MICAL3: variants seen among roughly 807,000 people sequenced by gnomAD.
MICAL3 encodes the protein [F-actin]-monooxygenase MICAL3.
A neutral mutation model predicts 207.4 loss-of-function variants in MICAL3; 62 were observed. That is an observed-to-expected ratio of 0.30 (90% CI 0.24 to 0.37). The LOEUF (loss-of-function observed/expected upper bound fraction) is 0.37. Ranked by LOEUF, MICAL3 falls within the 10% of genes least tolerant of loss-of-function variation. The pLI is 1.00. For missense variants in MICAL3, 2,368 were observed against 2,635.6 expected, an observed-to-expected ratio of 0.90 and a Z score of 2.22; for synonymous variants, 1,077 against 1,069.3, an observed-to-expected ratio of 1.01 and a Z score of -0.14.
rs139156974 is a variant in MICAL3 at position 17,861,023 on chromosome 22, A to G, written c.2605+3876T>C. ...AACGTGTACCTATATATAAACATTCACACATCACCGTCAGCTATGGCTCTT... is the reference window on the plus strand; with the variant it reads ...AACGTGTACCTATATATAAACATTCGCACATCACCGTCAGCTATGGCTCTT... On this transcript the variant is annotated intron_variant, in intron 19 of 31. Coordinates refer to ENST00000441493, the MANE Select transcript of MICAL3 (RefSeq NM_015241.3). 6 of 985,364 alleles carry G rather than the reference A, an allele frequency of 6.1e-6. No homozygotes were observed. The African/African-American group carries it at 1.0e-4, about 17-fold the overall frequency. 61.0% of individuals were successfully genotyped at this position (985,364 alleles called of 1,614,324 possible). A position where few individuals can be genotyped will look rare whatever the true frequency, so the allele number is the denominator to read the frequency against.
At position 17,963,730 on chromosome 22, in the gene MICAL3, T is replaced by C. The variant is rs1935024370; in HGVS notation, c.-74-56844A>G. 1.3e-5 allele frequency among the ~76,000 whole-genome samples: 2 copies of C among 152,156 alleles called. 1 individual carries two copies. ...GCCTCACTGAAGACACAGCTACCCA[T>C]GCTGATCCAGCCAGGAGGGTCGCTT... On this transcript the variant is annotated intron_variant, in intron 1 of 31. Coordinates refer to ENST00000441493, the MANE Select transcript of MICAL3 (RefSeq NM_015241.3).
Position 17,902,036 on chromosome 22 carries a change from G to A in MICAL3, c.590-57C>T, listed in dbSNP as rs912567953. ...CCACCCAGACCACATTCACAGCCAG[G>A]ACCATCTCTAGATACCCAGTCATGT... On this transcript the variant is annotated intron_variant, in intron 4 of 31. Coordinates refer to ENST00000441493, the MANE Select transcript of MICAL3 (RefSeq NM_015241.3). This position sits in a 1 kb window ranked among gnomAD's most constrained non-coding sequence, Gnocchi z 4.5. 1.6e-6 allele frequency: 2 copies of A among 1,276,500 alleles called. No homozygotes were observed. The highest frequency in any genetic ancestry group is 2.2e-6 in the Non-Finnish European group (2 of 896,922). 79.1% of individuals were successfully genotyped at this position (1,276,500 alleles called of 1,614,324 possible).
chr22:17,854,969 C>T (rs576089714), intron 19 of MICAL3, among the ~76,000 whole-genome samples: 2 of 152,340 alleles, frequency 1.3e-5, no homozygotes, highest in East Asian at 1.9e-4. Flanking sequence ...TACCTTTGTG[C>T]TGTGTTCTCA....
chr22:17,973,191 C>T lies in MICAL3; in HGVS notation c.-75+51090G>A, dbSNP rs539821819. On this transcript the variant is annotated intron_variant, in intron 1 of 31. Transcript: ENST00000441493. ...AGAGGTGTGTGCATGCAGACAGAGG[C>T]GCTGCTACCACCCTCTTCACTCATG... is the stretch of plus-strand genomic sequence containing the variant. Among the ~76,000 whole-genome samples, 12 of 152,280 alleles carry T rather than the reference C, an allele frequency of 7.9e-5. No homozygotes were observed. In the East Asian group the frequency reaches 1.9e-3, roughly 24 times the overall value.
At chr22:17,942,815 T>C (rs1033899718) in intron 1 of MICAL3, among the ~76,000 whole-genome samples, 7 of 152,200 alleles carry the variant, frequency 4.6e-5, no homozygotes, top group Non-Finnish European at 1.0e-4. Context: ...TGATGGGTGC[T>C]GCCCTAAGAG....
intron 1 of MICAL3, chr22:18,019,178 GA>G (rs1438426192): frequency 6.6e-6 from 1 of 152,174 alleles, no homozygotes; most frequent in Non-Finnish European, 1.5e-5. Context: ...TTGGGTGACA[GA>G]GGGAGACCCT....
rs573382456 is a variant in MICAL3, at chr22:17,929,040, G to A, written c.-74-22154C>T. On this transcript the variant is annotated intron_variant, in intron 1 of 31. Transcript: ENST00000441493. Reference sequence around the variant, plus strand: ...GAACTCCTGACCTTGTGATCTGCCCGCCTCGGCCTCCCAAAGTGCTGGGAT... The same window carrying A: ...GAACTCCTGACCTTGTGATCTGCCCACCTCGGCCTCCCAAAGTGCTGGGAT... 2.4e-3 allele frequency among the ~76,000 whole-genome samples: 355 copies of A among 150,726 alleles called. 1 individual carries two copies. Among genetic ancestry groups the A allele is most frequent in the African/African-American group, 7.9e-3 (322 of 40,970 alleles).
At chr22:17,912,539 G>T (rs374056035) in intron 1 of MICAL3, among the ~76,000 whole-genome samples, 1 of 152,136 alleles carries the variant, frequency 6.6e-6, no homozygotes, top group East Asian at 1.9e-4. Context: ...CACTGTACAA[G>T]GCTTTCACCT....
At chr22:18,022,717 C>T (rs947014743) in intron 1 of MICAL3, among the ~76,000 whole-genome samples, 1 of 152,192 alleles carries the variant, frequency 6.6e-6, no homozygotes, top group Non-Finnish European at 1.5e-5. Flanking sequence ...GCCTGAGCCT[C>T]TGCGCCCAGC....
rs1171103704 is a variant in MICAL3 at position 17,790,290 on chromosome 22, G to GT, written c.*441dup. The GT allele has an allele frequency of 1.2e-5, 2 of 161,214 alleles. No individual in the cohort carries two copies. The highest frequency in any genetic ancestry group is 4.8e-5 in the African/African-American group (2 of 41,676). 10.0% of individuals were successfully genotyped at this position (161,214 alleles called of 1,614,324 possible). A position where few individuals can be genotyped will look rare whatever the true frequency, so the allele number is the denominator to read the frequency against. On this transcript the variant is annotated 3_prime_UTR_variant, in exon 32 of 32. Transcript: ENST00000441493. ...CACCCTGACCCCTGACCCTGCTTTC[G>GT]TGGGGTATTGTTTACGTTTCTTTGG... is the stretch of plus-strand genomic sequence containing the variant.
At chr22:17,982,717 AAC>A (rs1935974442) in intron 1 of MICAL3, among the ~76,000 whole-genome samples, 1 of 61,568 alleles carries the variant, frequency 1.6e-5, no homozygotes, top group Non-Finnish European at 3.1e-5. Context: ...TAACATAACA[AAC>A]ATAACATAAC....
At chr22:17,862,357 C>T in intron 19 of MICAL3, 1 of 653,248 alleles carries the variant, frequency 1.5e-6, no homozygotes. Flanking sequence ...TGGGTTCACG[C>T]CATTCTCCTG....
At chr22:17,896,585 A>C (rs550598873) in intron 8 of MICAL3, 139 bp downstream of exon 8, 1 of 923,958 alleles carries the variant, frequency 1.1e-6, no homozygotes, top group East Asian at 2.6e-5. Context: ...GCCCTCCTCT[A>C]CTTCCTGGTG....
chr22:17,941,788 C>T lies in MICAL3; in HGVS notation c.-74-34902G>A, dbSNP rs555074618. On this transcript the variant is annotated intron_variant, in intron 1 of 31. Coordinates refer to ENST00000441493, the MANE Select transcript of MICAL3 (RefSeq NM_015241.3). ...CTTTAAAACTACACCAATGTTCAGG[C>T]CCCATCCAGACCCATCCAATCAGAA... Among the ~76,000 whole-genome samples the T allele has an allele frequency of 2.6e-5, 4 of 152,300 alleles. No individual in the cohort carries two copies. The South Asian group carries it at 8.3e-4, about 32-fold the overall frequency.
chr22:17,936,135 A>G (rs1368537967), intron 1 of MICAL3, among the ~76,000 whole-genome samples: 3 of 152,234 alleles, frequency 2.0e-5, no homozygotes, highest in Non-Finnish European at 2.9e-5. Flanking sequence ...ACGCATGTTT[A>G]TTGCGGCACT....
At chr22:18,018,966 T>A (rs1602408537) in intron 1 of MICAL3, among the ~76,000 whole-genome samples, 1 of 151,514 alleles carries the variant, frequency 6.6e-6, no homozygotes, top group African/African-American at 2.4e-5. Context: ...CCGAGGAGGG[T>A]GGATCACTTG....
intron 29 of MICAL3, among the ~76,000 whole-genome samples, chr22:17,797,950 T>G (rs868496941): frequency 6.6e-5 from 10 of 152,068 alleles, no homozygotes; most frequent in South Asian, 6.2e-4. Flanking sequence ...GGCTCCCAGC[T>G]CCCCCTGGTT....
At chr22:18,014,389 T>C (rs1293771647) in intron 1 of MICAL3, among the ~76,000 whole-genome samples, 3 of 152,166 alleles carry the variant, frequency 2.0e-5, no homozygotes, top group Non-Finnish European at 4.4e-5. Flanking sequence ...TATTAGGCCA[T>C]TCGATCTGAA....
chr22:17,794,258 C>A (rs1026622965), intron 29 of MICAL3, among the ~76,000 whole-genome samples: 1 of 152,246 alleles, frequency 6.6e-6, no homozygotes, highest in Non-Finnish European at 1.5e-5. Flanking sequence ...CTCCTCAAAG[C>A]CCCTGGATAG....
Sources: allele counts gnomAD v4.1 joint callset (sites outside exome capture counted in the v4.1 genomes callset), GRCh38; gene constraint gnomAD v4.1.1; non-coding constraint Gnocchi (gnomAD v3.1); transcripts MANE v1.5; gene names NCBI Gene and HGNC (gene_info 2026-07-23, HGNC 2026-07-21).